Variants in GRINA observed in about 807,000 individuals in gnomAD.
GRINA encodes protein lifeguard 1.
Under a neutral mutation model 42.5 loss-of-function variants are expected in GRINA, and 26 were observed. That is an observed-to-expected ratio of 0.61 (90% CI 0.45 to 0.85). GRINA has a LOEUF of 0.85. Ranked by LOEUF, GRINA falls within the 40% of genes least tolerant of loss-of-function variation. The pLI is 0.00. For synonymous variants in GRINA, 256 were observed against 204.2 expected (o/e 1.25, Z -2.17); for missense variants, 475 against 481.5 (o/e 0.99, Z 0.13).
intron 1 of GRINA, 172 bp from the exon 2 acceptor site, chr8:143,991,028 C>T: frequency 2.2e-6 from 1 of 451,516 alleles, no homozygotes; most frequent in Non-Finnish European, 3.9e-6. Context: ...CCGTCCGGTC[C>T]TCACGCGCTT....
At position 143,992,067 on chromosome 8, in the gene GRINA, C is replaced by T; in HGVS notation, c.682C>T (p.Leu228Phe). ...GDFRRKHPWN[L>F]VALSVLTASL... ...CTTCCGGCGAAAGCACCCCTGGAAC[C>T]TTGTTGCACTGGTAACCCCCAAACC... The change falls in exon 4 of 7, where the codon CTT becomes TTT. Residue 228 changes from leucine (L) to phenylalanine (F), a missense_variant. Transcript: ENST00000395068. 3 of 1,613,864 alleles carry T rather than the reference C, an allele frequency of 1.9e-6. No individual in the cohort carries two copies. Among genetic ancestry groups the T allele is most frequent in the Non-Finnish European group, 2.5e-6 (3 of 1,179,822 alleles).
rs1356945278 is a variant in GRINA, at chr8:143,990,059, A to G, written c.-165A>G. 6.7e-6 allele frequency: 1 copy of G among 149,664 alleles called. No individual in the cohort carries two copies. The highest frequency in any genetic ancestry group is 6.6e-5 in the Admixed American group (1 of 15,098). 9.3% of individuals were successfully genotyped at this position (149,664 alleles called of 1,614,324 possible). ...CCGCCCCCTGCCCCGCCCCGTCACA[A>G]GGCCCCGCTGCGTCTTCCGAGCCGC... On this transcript the variant is annotated 5_prime_UTR_variant, in exon 1 of 7. Transcript: ENST00000395068. This position sits in a 1 kb window ranked among gnomAD's most constrained non-coding sequence, Gnocchi z 5.6.
At position 143,992,816 on chromosome 8, in the gene GRINA, C is replaced by G; in HGVS notation, c.1091C>G (p.Thr364Ser). 6.2e-7 allele frequency: 1 copy of G among 1,613,674 alleles called. No individual in the cohort carries two copies. Among genetic ancestry groups the G allele is most frequent in the Non-Finnish European group, 8.5e-7 (1 of 1,179,880 alleles). The change falls in exon 7 of 7, where the codon ACC becomes AGC. Residue 364 changes from threonine to serine, a missense_variant. Thr to Ser is a moderately conservative substitution (Grantham distance 58). Coordinates refer to ENST00000395068, the MANE Select transcript of GRINA (RefSeq NM_001009184.2). ...ATCAACATCTTCCTGTACATCCTCA[C>G]CATCATTGGCCGCGCCAAGGAGTAG... ...DIINIFLYILTIIGRAKE is the reference protein window; with the variant it reads ...DIINIFLYILSIIGRAKE
At chr8:143,992,436 C>A in intron 5 of GRINA, 29 bp from the exon 6 acceptor site, 1 of 1,613,918 alleles carries the variant, frequency 6.2e-7, no homozygotes, top group Non-Finnish European at 8.5e-7. Context: ...CAGGCCCAGC[C>A]CCATGGCCCG....
Position 143,991,206 on chromosome 8 carries a change from A to G in GRINA, c.-18A>G. Reference sequence around the variant, plus strand: ...CCTTGTCTGTCTTCTCTAGGGGCGGACCGCGGAACCCGAGGCCATGTCCCA... The same window carrying G: ...CCTTGTCTGTCTTCTCTAGGGGCGGGCCGCGGAACCCGAGGCCATGTCCCA... On this transcript the variant is annotated 5_prime_UTR_variant, in exon 2 of 7. Coordinates refer to ENST00000395068, the MANE Select transcript of GRINA (RefSeq NM_001009184.2). The G allele has an allele frequency of 6.4e-7, 1 of 1,550,408 alleles. No homozygotes were observed. The highest frequency in any genetic ancestry group is 8.7e-7 in the Non-Finnish European group (1 of 1,147,770).
intron 1 of GRINA, 119 bp from the exon 2 acceptor site, chr8:143,991,081 G>T: frequency 1.7e-6 from 1 of 594,902 alleles, no homozygotes; most frequent in Admixed American, 3.1e-5. Flanking sequence ...CCGGGGCAAA[G>T]GTCACGGTCT....
At position 143,992,805 on chromosome 8, in the gene GRINA, G is replaced by A. The variant is rs961135033; in HGVS notation, c.1080G>A (p.Leu360=). ...NLYTDIINIF[L]YILTIIGRAK... is the part of the protein sequence containing the mutation. ...ACACAGACATCATCAACATCTTCCTGTACATCCTCACCATCATTGGCCGCG... is the reference window on the plus strand; with the variant it reads ...ACACAGACATCATCAACATCTTCCTATACATCCTCACCATCATTGGCCGCG... Residue 360 remains leucine (L), a synonymous_variant, in exon 7 of 7, where the codon CTG becomes CTA. Transcript: ENST00000395068. 1.9e-6 allele frequency: 3 copies of A among 1,613,686 alleles called. No homozygotes were observed. The highest frequency in any genetic ancestry group is 1.3e-5 in the African/African-American group (1 of 74,924).
chr8:143,992,631 C>T (rs782392315), intron 6 of GRINA, 23 bp downstream of exon 6: 5 of 1,614,016 alleles, frequency 3.1e-6, no homozygotes, highest in Non-Finnish European at 2.5e-6. Context: ...TGACCTTGGC[C>T]GGGGGCGGGA....
In GRINA at chr8:143,991,569, C is replaced by G. The variant is rs782232539; in HGVS notation, c.346C>G (p.Gln116Glu). Reference protein sequence around the residue: ...QSPFPPNPYGQPQVFPGQDPD... With the variant: ...QSPFPPNPYGEPQVFPGQDPD... Reference sequence around the variant, plus strand: ...CCCCTTCCCCCCCAACCCCTATGGACAGCCACAGGTCTTCCCAGGACAAGA... The same window carrying G: ...CCCCTTCCCCCCCAACCCCTATGGAGAGCCACAGGTCTTCCCAGGACAAGA... Residue 116 changes from glutamine to glutamate, a missense_variant, in exon 2 of 7, where the codon CAG becomes GAG. Around this residue, in one of 2 missense-constraint regions of GRINA, gnomAD observed 321 missense variants for 267.2 expected, o/e 1.20. Transcript: ENST00000395068. The G allele has an allele frequency of 1.9e-6, 3 of 1,591,876 alleles. No homozygotes were observed. The highest frequency in any genetic ancestry group is 1.1e-5 in the South Asian group (1 of 90,634).
intron 3 of GRINA, 31 bp downstream of exon 3, chr8:143,991,835 GC>G: frequency 1.9e-6 from 3 of 1,607,484 alleles, no homozygotes; most frequent in Non-Finnish European, 2.6e-6. Context: ...GGCGGTGGGG[GC>G]TGTGGCTCCC....
In GRINA at chr8:143,990,999, G is replaced by A. The variant is rs1297426739; in HGVS notation, c.-24-201G>A. 2.6e-6 allele frequency: 1 copy of A among 386,242 alleles called. No homozygotes were observed. Among genetic ancestry groups the A allele is most frequent in the Non-Finnish European group, 4.7e-6 (1 of 214,248 alleles). The allele number at this position is 386,242 out of a possible 1,614,324, so 23.9% of individuals were successfully genotyped here. On this transcript the variant is annotated intron_variant, in intron 1 of 6. Transcript: ENST00000395068. The surrounding 1 kb of genome is among the most constrained non-coding windows in gnomAD (Gnocchi z 5.6). Reference sequence around the variant, plus strand: ...CCCTAAAGGCGGCCTAGAGCCCTGGGAAGGCCCCACGGCGCCGCCCGTCCG... The same window carrying A: ...CCCTAAAGGCGGCCTAGAGCCCTGGAAAGGCCCCACGGCGCCGCCCGTCCG...
At position 143,992,778 on chromosome 8, in the gene GRINA, G is replaced by A. The variant is rs1834122647; in HGVS notation, c.1053G>A (p.Leu351=). The A allele has an allele frequency of 6.2e-7, 1 of 1,613,766 alleles. No homozygotes were observed. The highest frequency in any genetic ancestry group is 1.3e-5 in the African/African-American group (1 of 74,912). ...AGTATGTGTTTGCTGCGCTGAACCT[G>A]TACACAGACATCATCAACATCTTCC... ...PEEYVFAALN[L]YTDIINIFLY... Residue 351 remains leucine, a synonymous_variant, in exon 7 of 7, where the codon CTG becomes CTA. Transcript: ENST00000395068.
chr8:143,991,549 TC>T lies in GRINA; in HGVS notation c.333del (p.Asn112ThrfsTer56), dbSNP rs782789467. 1.3e-6 allele frequency: 2 copies of T among 1,547,124 alleles called. No homozygotes were observed. The highest frequency in any genetic ancestry group is 1.8e-6 in the Non-Finnish European group (2 of 1,130,498). On this transcript the variant is annotated frameshift_variant, in exon 2 of 7. Transcript: ENST00000395068. LOFTEE classifies it high-confidence loss of function. ...YPQGPYPQSPFPPNPYGQPQV... is the reference protein window; with the variant it reads ...YPQGPYPQSPXPPNPYGQPQV... The stretch of plus-strand genomic sequence containing the variant: ...CAGGGGCCATATCCCCAGAGCCCCT[TC>T]CCCCCCAACCCCTATGGACAGCCAC...
intron 2 of GRINA, 33 bp downstream of exon 2, chr8:143,991,635 G>A (rs367779405): frequency 1.6e-5 from 25 of 1,592,480 alleles, no homozygotes; most frequent in South Asian, 1.5e-4. Flanking sequence ...TGGGGTGGCC[G>A]GGAGGGCAGG....
chr8:143,991,755 C>T lies in GRINA; in HGVS notation c.443C>T (p.Pro148Leu), dbSNP rs75486505. ...PPSYYDNQDF[P>L]ATNWDDKSIR... is the part of the protein sequence containing the mutation. ...TCCTACTATGACAACCAGGACTTCCCTGCCACCAACTGGGATGACAAGAGC... is the reference window on the plus strand; with the variant it reads ...TCCTACTATGACAACCAGGACTTCCTTGCCACCAACTGGGATGACAAGAGC... Residue 148 changes from proline (P) to leucine (L), a missense_variant, in exon 3 of 7, where the codon CCT becomes CTT. Pro to Leu is a moderately conservative substitution (Grantham distance 98). Around this residue, in one of 2 missense-constraint regions of GRINA, gnomAD observed 321 missense variants for 267.2 expected, o/e 1.20. Transcript: ENST00000395068. 1 of 1,613,804 alleles carries T rather than the reference C, an allele frequency of 6.2e-7. No homozygotes were observed.
chr8:143,993,094 C>T lies in GRINA; in HGVS notation c.*253C>T. 1 of 498,178 alleles carries T rather than the reference C, an allele frequency of 2.0e-6. No individual in the cohort carries two copies. The allele number at this position is 498,178 out of a possible 1,614,324, so 30.9% of individuals were successfully genotyped here. ...CAAGGCCACGTTTCCGTGCCACCTC[C>T]TGTCTACTCATTGTTGCATGAGCCC... On this transcript the variant is annotated 3_prime_UTR_variant, in exon 7 of 7. Coordinates refer to ENST00000395068, the MANE Select transcript of GRINA (RefSeq NM_001009184.2).
rs953818555 is a variant in GRINA, at chr8:143,992,329, A to G, written c.778A>G (p.Ile260Val). 1.9e-6 allele frequency: 3 copies of G among 1,588,892 alleles called. No homozygotes were observed. The highest frequency in any genetic ancestry group is 3.4e-5 in the Admixed American group (2 of 58,370). ...NTEAVIMAVGITTAVCFTVVI... is the reference protein window; with the variant it reads ...NTEAVIMAVGVTTAVCFTVVI... ...CGAGGCAGTCATCATGGCCGTGGGCATCACCACAGCCGTCTGCTTCACCGT... is the reference window on the plus strand; with the variant it reads ...CGAGGCAGTCATCATGGCCGTGGGCGTCACCACAGCCGTCTGCTTCACCGT... Residue 260 changes from isoleucine (I) to valine (V), a missense_variant, in exon 5 of 7, where the codon ATC (isoleucine) becomes GTC (valine). Coordinates refer to ENST00000395068, the MANE Select transcript of GRINA (RefSeq NM_001009184.2).
In GRINA at chr8:143,990,998, G is replaced by T; in HGVS notation, c.-24-202G>T. On this transcript the variant is annotated intron_variant, in intron 1 of 6. Transcript: ENST00000395068. This position sits in a 1 kb window ranked among gnomAD's most constrained non-coding sequence, Gnocchi z 5.6. ...ACCCTAAAGGCGGCCTAGAGCCCTG[G>T]GAAGGCCCCACGGCGCCGCCCGTCC... 1 of 385,906 alleles carries T rather than the reference G, an allele frequency of 2.6e-6. No individual in the cohort carries two copies. Among genetic ancestry groups the T allele is most frequent in the Non-Finnish European group, 4.7e-6 (1 of 213,906 alleles). The allele number at this position is 385,906 out of a possible 1,614,324, so 23.9% of individuals were successfully genotyped here.
intron 3 of GRINA, 24 bp downstream of exon 3, chr8:143,991,828 G>T (rs115289032): frequency 4.4e-6 from 7 of 1,607,740 alleles, no homozygotes; most frequent in Non-Finnish European, 6.0e-6. Flanking sequence ...TCTCCAAGGC[G>T]GTGGGGGCTG....
Sources: allele counts gnomAD v4.1 joint callset, GRCh38; gene constraint gnomAD v4.1.1; regional missense constraint gnomAD v4.1.1; non-coding constraint Gnocchi (gnomAD v3.1); transcripts MANE v1.5; gene names NCBI Gene and HGNC (gene_info 2026-07-23, HGNC 2026-07-21).